Variants in CSMD1 observed in about 807,000 individuals in gnomAD.
The protein encoded by CSMD1 is CUB and sushi domain-containing protein 1.
CSMD1 carries 213 observed loss-of-function variants against 417.5 expected under a neutral mutation model. The ratio of observed to expected loss-of-function variants is 0.51; its 90% CI spans 0.46 to 0.57. The LOEUF is 0.57. CSMD1 is among the 20% of genes least tolerant of loss of function. The probability of loss-of-function intolerance (pLI) is 0.00; values close to 1 mark genes in which losing one functional copy is unlikely to be tolerated. For synonymous variants in CSMD1, 2,862 were observed against 1,736.8 expected (o/e 1.65, Z -16.11); for missense variants, 6,923 against 4,529.7 (o/e 1.53, Z -15.17).
At position 3,708,417 on chromosome 8, in the gene CSMD1, CAG is replaced by C; in HGVS notation, c.1004_1005del (p.Ser335CysfsTer12). 1 of 1,613,656 alleles carries C rather than the reference CAG, an allele frequency of 6.2e-7. No homozygotes were observed. The highest frequency in any genetic ancestry group is 8.5e-7 in the Non-Finnish European group (1 of 1,179,596). ...LPSKDGSHKN[S>X]VLSQGGVALV... ...GATAGAAAGGAAAGGGACTCACAGA[CAG>C]AGTTTTTATGGCTTCCATCCTTGCT... On this transcript the variant is annotated frameshift_variant, in exon 7 of 70. Transcript: ENST00000635120. LOFTEE classifies it high-confidence loss of function.
chr8:3,626,426 T>C (rs967248152), intron 7 of CSMD1, among the ~76,000 whole-genome samples: 1 of 152,202 alleles, frequency 6.6e-6, no homozygotes, highest in Non-Finnish European at 1.5e-5. Flanking sequence ...AATCTGTAAT[T>C]CAGGCCAGCA....
Position 3,708,462 on chromosome 8 carries a change from C to G in CSMD1, c.961G>C (p.Gly321Arg). The G allele has an allele frequency of 6.2e-7, 1 of 1,613,886 alleles. No individual in the cohort carries two copies. The highest frequency in any genetic ancestry group is 8.5e-7 in the Non-Finnish European group (1 of 1,179,876). The change falls in exon 7 of 70, where the codon GGA (glycine) becomes CGA (arginine). Residue 321 changes from glycine to arginine, a missense_variant. Transcript: ENST00000635120. ...TCCTTGCTGGGCAGCATCTTGACTC[C>G]TCTTGACTTCAACTCAATCGCCTTT... ...VKKAIELKSR[G>R]VKMLPSKDGS...
chr8:4,863,910 A>G (rs550538778), intron 1 of CSMD1, among the ~76,000 whole-genome samples: 1 of 150,982 alleles, frequency 6.6e-6, no homozygotes, highest in South Asian at 2.1e-4. Context: ...GCAAAAAGGA[A>G]GTGAAATGTT....
At chr8:3,796,491 G>A (rs1312204017) in intron 5 of CSMD1, among the ~76,000 whole-genome samples, 1 of 140,510 alleles carries the variant, frequency 7.1e-6, no homozygotes, top group Non-Finnish European at 1.5e-5. Flanking sequence ...TATCTATCAT[G>A]TATAGATATA....
chr8:4,698,498 G>C (rs1283631622), intron 1 of CSMD1, among the ~76,000 whole-genome samples: 1 of 152,100 alleles, frequency 6.6e-6, no homozygotes, highest in Non-Finnish European at 1.5e-5. Context: ...ACCAGCTCAG[G>C]TGTGTGTTAG....
intron 3 of CSMD1, among the ~76,000 whole-genome samples, chr8:4,360,909 G>T (rs1801720265): frequency 6.6e-6 from 1 of 152,140 alleles, no homozygotes; most frequent in Non-Finnish European, 1.5e-5. Context: ...GTAGAATTAG[G>T]CTTCTGATAG....
chr8:4,179,385 C>A (rs1798229412), intron 3 of CSMD1, among the ~76,000 whole-genome samples: 1 of 152,102 alleles, frequency 6.6e-6, no homozygotes, highest in Non-Finnish European at 1.5e-5. Flanking sequence ...ATGTAGAAAG[C>A]TGAAGCTGGA....
intron 3 of CSMD1, among the ~76,000 whole-genome samples, chr8:4,166,102 T>TC (rs1270326126): frequency 2.0e-5 from 3 of 152,166 alleles, no homozygotes; most frequent in Admixed American, 1.3e-4. Flanking sequence ...AATGATGAGG[T>TC]CATAGAGCAG....
chr8:3,863,934 A>G (rs555684331), intron 5 of CSMD1, among the ~76,000 whole-genome samples: 10 of 152,300 alleles, frequency 6.6e-5, no homozygotes, highest in African/African-American at 1.9e-4. Flanking sequence ...TGGAAAAATG[A>G]CCTCCAGAGG....
chr8:4,927,054 A>T (rs1212712460), intron 1 of CSMD1, among the ~76,000 whole-genome samples: 1 of 148,652 alleles, frequency 6.7e-6, no homozygotes, highest in Non-Finnish European at 1.5e-5. Context: ...CCTTTTAATG[A>T]AAAAAATAGG....
At chr8:4,348,793 C>T (rs1177574173) in intron 3 of CSMD1, among the ~76,000 whole-genome samples, 1 of 152,122 alleles carries the variant, frequency 6.6e-6, no homozygotes, top group African/African-American at 2.4e-5. Flanking sequence ...CTTTCAATCC[C>T]TTAACCCATT....
chr8:4,453,232 C>G (rs915518627), intron 2 of CSMD1, among the ~76,000 whole-genome samples: 6 of 145,232 alleles, frequency 4.1e-5, no homozygotes, highest in African/African-American at 1.5e-4. Flanking sequence ...CACACACACA[C>G]ACACACACAC....
chr8:4,718,060 C>G (rs1046767986), intron 1 of CSMD1, among the ~76,000 whole-genome samples: 3 of 152,170 alleles, frequency 2.0e-5, no homozygotes, highest in African/African-American at 7.2e-5. Flanking sequence ...TCCCTGCAGC[C>G]TCTACCTCCC....
intron 33 of CSMD1, among the ~76,000 whole-genome samples, chr8:3,195,934 C>A (rs1796679839): frequency 6.6e-6 from 1 of 152,082 alleles, no homozygotes; most frequent in Non-Finnish European, 1.5e-5. Flanking sequence ...ACTCCATCTT[C>A]AATAGGGGCT....
intron 1 of CSMD1, among the ~76,000 whole-genome samples, chr8:4,970,592 C>T (rs1426792197): frequency 6.6e-6 from 1 of 151,550 alleles, no homozygotes; most frequent in Non-Finnish European, 1.5e-5. Flanking sequence ...TTTTTTTTTA[C>T]CAGAAATATC....
At chr8:3,044,659 C>T (rs995930536) in intron 50 of CSMD1, among the ~76,000 whole-genome samples, 3 of 152,018 alleles carry the variant, frequency 2.0e-5, no homozygotes, top group African/African-American at 7.2e-5. Flanking sequence ...CCTCAAACAT[C>T]TGCCTCGGAG....
At chr8:4,562,126 G>T (rs947986335) in intron 2 of CSMD1, among the ~76,000 whole-genome samples, 2 of 152,210 alleles carry the variant, frequency 1.3e-5, no homozygotes, top group African/African-American at 4.8e-5. Context: ...TGTAGGAAAA[G>T]CTGCAGGTAT....
At chr8:4,850,197 T>A (rs1801384525) in intron 1 of CSMD1, among the ~76,000 whole-genome samples, 1 of 152,120 alleles carries the variant, frequency 6.6e-6, no homozygotes, top group Non-Finnish European at 1.5e-5. Flanking sequence ...ATTAACCTAT[T>A]TTTTAACTGG....
intron 4 of CSMD1, among the ~76,000 whole-genome samples, chr8:4,008,107 G>A (rs1816269162): frequency 1.3e-5 from 2 of 152,118 alleles, no homozygotes; most frequent in Non-Finnish European, 2.9e-5. Context: ...CACCAGAGCT[G>A]CATGAAATAA....
Sources: allele counts gnomAD v4.1 joint callset (sites outside exome capture counted in the v4.1 genomes callset), GRCh38; gene constraint gnomAD v4.1.1; transcripts MANE v1.5; gene names NCBI Gene and HGNC (gene_info 2026-07-23, HGNC 2026-07-21).